The following PCDHA10 variants were observed in gnomAD, a reference collection of about 807,000 sequenced individuals.
PCDHA10 encodes protocadherin alpha-10.
A neutral mutation model predicts 61.2 loss-of-function variants in PCDHA10; 45 were observed. The ratio of observed to expected loss-of-function variants is 0.74; its 90% CI spans 0.58 to 0.94. The LOEUF is 0.94. Ranked by LOEUF, PCDHA10 falls within the 40% of genes least tolerant of loss-of-function variation. The pLI is 0.00. For synonymous variants in PCDHA10, 602 were observed against 548.8 expected, an observed-to-expected ratio of 1.10 and a Z score of -1.35; for missense variants, 1,278 against 1,236.2, an observed-to-expected ratio of 1.03 and a Z score of -0.51.
intron 3 of PCDHA10, among the ~76,000 whole-genome samples, chr5:141,000,421 ATTTTTTTT>A (rs34755515): frequency 1.4e-4 from 4 of 27,978 alleles, no homozygotes; most frequent in African/African-American, 7.1e-4. Flanking sequence ...ATATATATAT[ATTTTTTTT>A]TTTTTTTTTT....
intron 3 of PCDHA10, among the ~76,000 whole-genome samples, chr5:140,983,718 T>C (rs2097062684): frequency 6.6e-6 from 1 of 152,248 alleles, no homozygotes; most frequent in South Asian, 2.1e-4. Context: ...CTAGCACTTA[T>C]ATTCATAACA....
chr5:140,869,541 G>A (rs1554163213), intron 1 of PCDHA10: 1 of 1,614,204 alleles, frequency 6.2e-7, no homozygotes, highest in East Asian at 2.2e-5. Flanking sequence ...CGGAATCTAA[G>A]CAATCGGACT....
At chr5:140,922,866 G>GA (rs557650266) in intron 1 of PCDHA10, among the ~76,000 whole-genome samples, 1 of 152,096 alleles carries the variant, frequency 6.6e-6, no homozygotes. Flanking sequence ...TAGACAAGGG[G>GA]AAAAAATCCA....
chr5:140,957,630 C>A (rs2095372065), intron 1 of PCDHA10, among the ~76,000 whole-genome samples: 1 of 152,000 alleles, frequency 6.6e-6, no homozygotes, highest in Non-Finnish European at 1.5e-5. Context: ...CACACACTTT[C>A]AGAAATGCAC....
chr5:140,908,208 C>A (rs1477430085), intron 1 of PCDHA10, among the ~76,000 whole-genome samples: 8 of 152,136 alleles, frequency 5.3e-5, no homozygotes, highest in Non-Finnish European at 1.0e-4. Context: ...TCATGCAGAA[C>A]CATCTGTGAA....
chr5:140,936,780 T>C (rs2091148034), intron 1 of PCDHA10, among the ~76,000 whole-genome samples: 1 of 152,224 alleles, frequency 6.6e-6, no homozygotes, highest in Non-Finnish European at 1.5e-5. Flanking sequence ...TCTCTCACTT[T>C]GTTATTCTGC....
chr5:140,976,776 C>T (rs1554237952), intron 1 of PCDHA10, among the ~76,000 whole-genome samples: 1 of 152,184 alleles, frequency 6.6e-6, no homozygotes. Context: ...TAGACTCTGA[C>T]TATATAGCTA....
At chr5:140,999,398 A>G (rs17119351) in intron 3 of PCDHA10, among the ~76,000 whole-genome samples, 13,435 of 152,202 alleles carry the variant, frequency 0.088, 686 homozygotes, top group African/African-American at 0.14. Flanking sequence ...TTTGTTTTGC[A>G]TATGAAAGAA....
rs1562687946 is a variant in PCDHA10 at position 140,874,243 on chromosome 5, TG to T, written c.2388+15809del. ...GTAGGAATGAATGGCAACAAATTAT[TG>T]GTTTAAAGATTTTGACTTGAGTATT... On this transcript the variant is annotated intron_variant, in intron 1 of 3. Coordinates refer to ENST00000307360, the MANE Select transcript of PCDHA10 (RefSeq NM_018901.4). 2.0e-5 allele frequency among the ~76,000 whole-genome samples: 3 copies of T among 152,230 alleles called. No homozygotes were observed. In the South Asian group the frequency reaches 6.2e-4, roughly 32 times the overall value.
At chr5:140,975,675 T>C (rs1047804393) in intron 1 of PCDHA10, among the ~76,000 whole-genome samples, 3 of 152,240 alleles carry the variant, frequency 2.0e-5, no homozygotes, top group Non-Finnish European at 2.9e-5. Context: ...AGTTTATTAA[T>C]AAAATAGGGT....
chr5:140,930,594 A>G (rs1554207944), intron 1 of PCDHA10: 2 of 152,716 alleles, frequency 1.3e-5, no homozygotes, highest in East Asian at 3.9e-4. Flanking sequence ...GACTTCTCAT[A>G]GAAATCCTAG....
At position 140,857,901 on chromosome 5, in the gene PCDHA10, G is replaced by C; in HGVS notation, c.1853G>C (p.Arg618Pro). The C allele has an allele frequency of 1.3e-6, 2 of 1,597,732 alleles. No homozygotes were observed. Among genetic ancestry groups the C allele is most frequent in the Non-Finnish European group, 1.7e-6 (2 of 1,167,440 alleles). ...YELQSAAVGA[R>P]IPFRVGLYTG... ...TTGCAGTCGGCGGCGGTTGGTGCAC[G>C]CATCCCGTTTCGCGTGGGGCTGTAC... Residue 618 changes from arginine (R) to proline (P), a missense_variant, in exon 1 of 4, where the codon CGC (arginine) becomes CCC (proline). Physicochemically the swap from Arg to Pro is moderately radical, Grantham distance 103. Coordinates refer to ENST00000307360, the MANE Select transcript of PCDHA10 (RefSeq NM_018901.4).
chr5:140,927,918 CCTGA>C, intron 1 of PCDHA10: 1 of 1,614,220 alleles, frequency 6.2e-7, no homozygotes, highest in Non-Finnish European at 8.5e-7. Context: ...AACTGGACTT[CCTGA>C]CTCTTTCGAA....
chr5:140,993,460 TCTCACACACACA>T (rs2097560533), intron 3 of PCDHA10, among the ~76,000 whole-genome samples: 2 of 104,506 alleles, frequency 1.9e-5, no homozygotes, highest in South Asian at 3.7e-4. Context: ...CTTCTTTCTT[TCTCACACACACA>T]CACACACACA....
At chr5:140,932,538 T>C (rs538830618) in intron 1 of PCDHA10, among the ~76,000 whole-genome samples, 1 of 152,036 alleles carries the variant, frequency 6.6e-6, no homozygotes, top group South Asian at 2.1e-4. Context: ...CAAGGTGCTT[T>C]ATTTAACATA....
At chr5:140,869,980 A>G (rs782258774) in intron 1 of PCDHA10, 91 of 1,613,262 alleles carry the variant, frequency 5.6e-5, no homozygotes, top group Non-Finnish European at 7.5e-5. Context: ...ACACTTATTT[A>G]CACTAGATCA....
chr5:141,002,189 C>T (rs1277871243), intron 3 of PCDHA10, among the ~76,000 whole-genome samples: 4 of 152,220 alleles, frequency 2.6e-5, no homozygotes, highest in African/African-American at 9.6e-5. Flanking sequence ...TGCTGTCTGG[C>T]AAGATAGTCC....
chr5:140,937,937 G>T (rs1584936873), intron 1 of PCDHA10, among the ~76,000 whole-genome samples: 1 of 151,274 alleles, frequency 6.6e-6, no homozygotes. Flanking sequence ...AGTTTAATTT[G>T]ATAATTGGCT....
At chr5:140,947,996 T>C (rs185303145) in intron 1 of PCDHA10, among the ~76,000 whole-genome samples, 1 of 126,772 alleles carries the variant, frequency 7.9e-6, no homozygotes, top group Non-Finnish European at 1.7e-5. Context: ...CCAAATACTT[T>C]ATTAAATTTA....
Sources: allele counts gnomAD v4.1 joint callset (sites outside exome capture counted in the v4.1 genomes callset), GRCh38; gene constraint gnomAD v4.1.1; transcripts MANE v1.5; gene names NCBI Gene and HGNC (gene_info 2026-07-23, HGNC 2026-07-21).